The following ITGA1 variants were observed in gnomAD, a reference collection of about 807,000 sequenced individuals.
ITGA1 encodes the protein integrin subunit alpha 1.
In ITGA1, 85 loss-of-function variants were observed where a neutral mutation model predicts 145.9. The observed-to-expected ratio is 0.58, with a 90% CI of 0.49 to 0.70. ITGA1 has a LOEUF of 0.70. Ranked by LOEUF, ITGA1 falls within the 30% of genes least tolerant of loss-of-function variation. The probability of loss-of-function intolerance (pLI) is 0.00; values close to 1 mark genes in which losing one functional copy is unlikely to be tolerated. For synonymous variants in ITGA1, 520 were observed against 495.3 expected, an observed-to-expected ratio of 1.05 and a Z score of -0.66; for missense variants, 1,351 against 1,418.7, an observed-to-expected ratio of 0.95 and a Z score of 0.77.
chr5:52,910,477 G>C, intron 14 of ITGA1, 58 bp downstream of exon 14: 1 of 1,540,614 alleles, frequency 6.5e-7, no homozygotes, highest in Non-Finnish European at 8.9e-7. Flanking sequence ...TCAATGCCAG[G>C]CATTACCTGT....
chr5:52,867,322 G>A (rs1191078655), intron 6 of ITGA1: 1 of 152,148 alleles, frequency 6.6e-6, no homozygotes, highest in African/African-American at 2.4e-5. Flanking sequence ...GAGAGTGAGT[G>A]GAAGGGTAAG....
At chr5:52,880,111 GA>G (rs1384115537) in intron 6 of ITGA1, among the ~76,000 whole-genome samples, 2 of 152,152 alleles carry the variant, frequency 1.3e-5, no homozygotes, top group Non-Finnish European at 2.9e-5. Context: ...GGTGACTAAA[GA>G]ATGGAGGATT....
At chr5:52,838,385 T>A (rs888480667) in intron 1 of ITGA1, among the ~76,000 whole-genome samples, 2 of 152,204 alleles carry the variant, frequency 1.3e-5, no homozygotes, top group Non-Finnish European at 2.9e-5. Context: ...CAATTTTTTT[T>A]AATAGGTTTT....
intron 20 of ITGA1, among the ~76,000 whole-genome samples, chr5:52,928,082 C>T (rs930306751): frequency 6.6e-6 from 1 of 152,130 alleles, no homozygotes; most frequent in African/African-American, 2.4e-5. Flanking sequence ...ACCCTCAGAA[C>T]TGTGAGCAAT....
At chr5:52,843,604 A>G (rs1020950528) in intron 1 of ITGA1, among the ~76,000 whole-genome samples, 1 of 152,110 alleles carries the variant, frequency 6.6e-6, no homozygotes, top group Non-Finnish European at 1.5e-5. Context: ...TGTCACCTCC[A>G]TTTATCCTTT....
intron 11 of ITGA1, chr5:52,904,166 A>G (rs1412070128): frequency 6.6e-6 from 1 of 152,328 alleles, no homozygotes; most frequent in Non-Finnish European, 1.5e-5. Context: ...TGGCCCCAAA[A>G]GAGTGCTGAA....
At chr5:52,863,502 A>G (rs1749638868) in intron 3 of ITGA1, among the ~76,000 whole-genome samples, 1 of 152,114 alleles carries the variant, frequency 6.6e-6, no homozygotes, top group South Asian at 2.1e-4. Context: ...GGGGACAAAA[A>G]CAAAACAAAA....
intron 1 of ITGA1, among the ~76,000 whole-genome samples, chr5:52,822,453 C>G (rs915869155): frequency 3.3e-5 from 5 of 152,230 alleles, no homozygotes; most frequent in Admixed American, 6.5e-5. Context: ...TCCGTTTGGA[C>G]TGGGCAGAGC....
At chr5:52,865,200 C>A in intron 5 of ITGA1, 118 bp downstream of exon 5, 1 of 683,524 alleles carries the variant, frequency 1.5e-6, no homozygotes, top group Non-Finnish European at 2.4e-6. Context: ...CCAGCATTAC[C>A]AATTTAGGTA....
intron 10 of ITGA1, among the ~76,000 whole-genome samples, 160 bp downstream of exon 10, chr5:52,897,688 A>C (rs17829997): frequency 0.22 from 33,264 of 152,172 alleles, 3,967 homozygotes; most frequent in East Asian, 0.36. Flanking sequence ...GGAAAATATC[A>C]TTTCACAAGC....
intron 19 of ITGA1, among the ~76,000 whole-genome samples, chr5:52,926,938 T>A (rs6450095): frequency 0.23 from 34,909 of 152,164 alleles, 4,493 homozygotes; most frequent in South Asian, 0.36. Context: ...AAACCTTTTT[T>A]TCATGTTTCA....
chr5:52,789,861 AAAGAC>A (rs1206246202), intron 1 of ITGA1, among the ~76,000 whole-genome samples: 1 of 152,252 alleles, frequency 6.6e-6, no homozygotes, highest in African/African-American at 2.4e-5. Flanking sequence ...TATCCTCTAA[AAAGAC>A]AAGAGTGAAA....
At chr5:52,875,772 G>A (rs1749856979) in intron 6 of ITGA1, among the ~76,000 whole-genome samples, 1 of 152,030 alleles carries the variant, frequency 6.6e-6, no homozygotes, top group Non-Finnish European at 1.5e-5. Flanking sequence ...AAATGCCTAG[G>A]ATATTTCCAC....
At chr5:52,843,559 A>C (rs1007990313) in intron 1 of ITGA1, among the ~76,000 whole-genome samples, 5 of 152,210 alleles carry the variant, frequency 3.3e-5, no homozygotes, top group Non-Finnish European at 7.4e-5. Context: ...GGATGCGTAC[A>C]AGAGGGTGGC....
intron 1 of ITGA1, among the ~76,000 whole-genome samples, chr5:52,806,149 G>A (rs1748584386): frequency 1.3e-5 from 2 of 151,822 alleles, no homozygotes; most frequent in Admixed American, 6.6e-5. Context: ...TTAGAAAAGT[G>A]CTCTTCAAGA....
At chr5:52,935,700 T>C (rs1487401193) in intron 23 of ITGA1, among the ~76,000 whole-genome samples, 1 of 152,182 alleles carries the variant, frequency 6.6e-6, no homozygotes, top group Non-Finnish European at 1.5e-5. Context: ...TTATGAACAG[T>C]CATATTCTCA....
At chr5:52,875,691 A>G (rs1749855729) in intron 6 of ITGA1, among the ~76,000 whole-genome samples, 1 of 152,160 alleles carries the variant, frequency 6.6e-6, no homozygotes, top group Non-Finnish European at 1.5e-5. Flanking sequence ...AATCTCTGGG[A>G]AAGAATGTCC....
In ITGA1 at chr5:52,943,424, A is replaced by C. The variant is rs144640770; in HGVS notation, c.3286-1519A>C. On this transcript the variant is annotated intron_variant, in intron 26 of 28. Transcript: ENST00000282588. Reference sequence around the variant, plus strand: ...TGGGTGTATGCTCACAGGAGTGTTTATTAGCAAAGTAATTTTTGGTGTTGT... The same window carrying C: ...TGGGTGTATGCTCACAGGAGTGTTTCTTAGCAAAGTAATTTTTGGTGTTGT... Among the ~76,000 whole-genome samples the C allele has an allele frequency of 4.1e-3, 619 of 152,234 alleles. 4 individuals carry two copies. Among genetic ancestry groups the C allele is most frequent in the African/African-American group, 0.014 (579 of 41,538 alleles).
At chr5:52,864,444 C>A (rs1200684122) in intron 3 of ITGA1, among the ~76,000 whole-genome samples, 1 of 152,150 alleles carries the variant, frequency 6.6e-6, no homozygotes, top group African/African-American at 2.4e-5. Flanking sequence ...ATTATATCTA[C>A]AGTATTATGA....
Sources: allele counts gnomAD v4.1 joint callset (sites outside exome capture counted in the v4.1 genomes callset), GRCh38; gene constraint gnomAD v4.1.1; transcripts MANE v1.5; gene names NCBI Gene and HGNC (gene_info 2026-07-23, HGNC 2026-07-21).